The following RPS6KC1 variants were observed in gnomAD, a reference collection of about 807,000 sequenced individuals.
RPS6KC1 encodes the protein ribosomal protein S6 kinase C1.
A neutral mutation model predicts 103.8 loss-of-function variants in RPS6KC1; 54 were observed. The ratio of observed to expected loss-of-function variants is 0.52; its 90% CI spans 0.42 to 0.65. The LOEUF (loss-of-function observed/expected upper bound fraction) is 0.65, where lower values mean the gene tolerates loss of function less well. RPS6KC1 is among the 30% of genes least tolerant of loss of function. RPS6KC1 has a pLI of 0.00. For missense variants in RPS6KC1, 1,151 were observed against 1,253.8 expected, an observed-to-expected ratio of 0.92 and a Z score of 1.24; for synonymous variants, 439 against 438.7, an observed-to-expected ratio of 1.00 and a Z score of -0.01.
intron 6 of RPS6KC1, among the ~76,000 whole-genome samples, chr1:213,152,916 C>G (rs1259193743): frequency 2.0e-5 from 3 of 152,194 alleles, no homozygotes; most frequent in African/African-American, 7.2e-5. Flanking sequence ...TGTAGCGAGC[C>G]GAGATCACGC....
At chr1:213,725,723 A>G in the RPS6KC1 span, among the ~76,000 whole-genome samples, 2 of 152,382 alleles carry the variant, frequency 1.3e-5, no homozygotes, top group African/African-American at 2.4e-5. Flanking sequence ...CTGTTCAGTC[A>G]GAAAGGTTGA....
chr1:213,170,883 A>G (rs2091424129), intron 7 of RPS6KC1, among the ~76,000 whole-genome samples: 2 of 152,204 alleles, frequency 1.3e-5, no homozygotes, highest in Admixed American at 1.3e-4. Flanking sequence ...ACACAATGAG[A>G]GGATTTGTGT....
At chr1:213,605,643 T>A in the RPS6KC1 span, among the ~76,000 whole-genome samples, 1 of 152,218 alleles carries the variant, frequency 6.6e-6, no homozygotes, top group Non-Finnish European at 1.5e-5. Flanking sequence ...ACCATGTCTG[T>A]CTTGTTCTTC....
chr1:213,799,892 T>G, the RPS6KC1 span, among the ~76,000 whole-genome samples: 2 of 152,222 alleles, frequency 1.3e-5, no homozygotes, highest in African/African-American at 4.8e-5. Context: ...ATTCTTTTTT[T>G]TCCCTCAAAG....
intron 2 of RPS6KC1, among the ~76,000 whole-genome samples, chr1:213,072,547 C>CAA (rs60376245): frequency 2.1e-5 from 2 of 96,432 alleles, no homozygotes; most frequent in South Asian, 3.2e-4. Flanking sequence ...GACTCTGTCT[C>CAA]AAAAAAAAAA....
the RPS6KC1 span, among the ~76,000 whole-genome samples, chr1:213,851,044 G>A: frequency 6.6e-6 from 1 of 151,982 alleles, no homozygotes; most frequent in Non-Finnish European, 1.5e-5. Flanking sequence ...TCCCAAAGTA[G>A]CCAGTCCACC....
the RPS6KC1 span, among the ~76,000 whole-genome samples, chr1:213,529,837 A>G: frequency 6.6e-6 from 1 of 152,088 alleles, no homozygotes; most frequent in Admixed American, 6.5e-5. Flanking sequence ...AATTGAATTG[A>G]TTAGTTTCTG....
the RPS6KC1 span, among the ~76,000 whole-genome samples, chr1:213,327,627 G>C: frequency 6.6e-6 from 1 of 152,162 alleles, no homozygotes; most frequent in Non-Finnish European, 1.5e-5. Flanking sequence ...TGGGGATGGG[G>C]TTGGGAAGAG....
the RPS6KC1 span, among the ~76,000 whole-genome samples, chr1:213,461,230 G>A: frequency 6.6e-6 from 1 of 152,190 alleles, no homozygotes. Context: ...TAGAAGGGAT[G>A]TGAAGGACCT....
chr1:213,271,183 C>G (rs545673085), intron 14 of RPS6KC1, among the ~76,000 whole-genome samples: 4 of 152,134 alleles, frequency 2.6e-5, no homozygotes, highest in Admixed American at 1.3e-4. Context: ...GTCTAAGTAT[C>G]TAAAAACTAG....
At chr1:213,309,755 G>A in the RPS6KC1 span, among the ~76,000 whole-genome samples, 1 of 152,012 alleles carries the variant, frequency 6.6e-6, no homozygotes, top group African/African-American at 2.4e-5. Flanking sequence ...TGAGATCTCG[G>A]CTCACTGCAA....
intron 7 of RPS6KC1, among the ~76,000 whole-genome samples, chr1:213,168,667 G>C (rs997903084): frequency 3.3e-5 from 5 of 151,810 alleles, no homozygotes; most frequent in African/African-American, 1.2e-4. Flanking sequence ...CTGTCCCCCA[G>C]ACTGGAGTGC....
At chr1:213,688,832 A>G in the RPS6KC1 span, among the ~76,000 whole-genome samples, 2 of 152,206 alleles carry the variant, frequency 1.3e-5, no homozygotes, top group Non-Finnish European at 2.9e-5. Context: ...TGACCCAGGC[A>G]CCACACCACA....
At chr1:213,290,111 A>G in the RPS6KC1 span, among the ~76,000 whole-genome samples, 1 of 135,070 alleles carries the variant, frequency 7.4e-6, no homozygotes, top group African/African-American at 2.9e-5. Flanking sequence ...CGCCACTGCA[A>G]TCCGGCCTGG....
chr1:213,742,050 G>A, the RPS6KC1 span, among the ~76,000 whole-genome samples: 6 of 152,170 alleles, frequency 3.9e-5, no homozygotes, highest in African/African-American at 1.4e-4. Context: ...TGGCATAAGA[G>A]CCTAGAGGAA....
At chr1:213,742,800 G>T in the RPS6KC1 span, among the ~76,000 whole-genome samples, 1 of 152,264 alleles carries the variant, frequency 6.6e-6, no homozygotes, top group East Asian at 1.9e-4. Flanking sequence ...GGCAGGTCTA[G>T]TCAGAGTGAG....
At chr1:213,164,730 CTT>C (rs1455410769) in intron 6 of RPS6KC1, among the ~76,000 whole-genome samples, 3 of 151,912 alleles carry the variant, frequency 2.0e-5, no homozygotes, top group African/African-American at 4.8e-5. Context: ...GCCTGGCTGA[CTT>C]TTGTATTTTC....
At chr1:213,821,536 A>G in the RPS6KC1 span, 1 of 152,258 alleles carries the variant, frequency 6.6e-6, no homozygotes, top group Non-Finnish European at 1.5e-5. Flanking sequence ...ATGTAAAAAC[A>G]TTCATGACTG....
chr1:213,430,096 C>T, the RPS6KC1 span, among the ~76,000 whole-genome samples: 3 of 152,282 alleles, frequency 2.0e-5, no homozygotes, highest in Non-Finnish European at 2.9e-5. Context: ...GTCACCTAGT[C>T]GTCTTCCACT....
Sources: gnomAD v4.1 joint callset for allele counts (sites outside exome capture counted in the v4.1 genomes callset) on GRCh38, gnomAD v4.1.1 for gene constraint, MANE v1.5 for transcripts, NCBI Gene and HGNC (gene_info 2026-07-23, HGNC 2026-07-21) for gene names.